The following PRKAR1A variants were observed in gnomAD, a reference collection of about 807,000 sequenced individuals.
The protein encoded by PRKAR1A is cAMP-dependent protein kinase type I-alpha regulatory subunit.
Under a neutral mutation model 52.0 loss-of-function variants are expected in PRKAR1A, and 3 were observed. The ratio of observed to expected loss-of-function variants is 0.06; its 90% CI spans 0.03 to 0.15. The LOEUF (loss-of-function observed/expected upper bound fraction) is 0.15. Among genes scored for constraint, PRKAR1A ranks in the 10% least tolerant of loss-of-function variants. The pLI is 1.00. For synonymous variants in PRKAR1A, 188 were observed against 168.4 expected (o/e 1.12, Z -0.90); for missense variants, 240 against 477.4 (o/e 0.50, Z 4.63).
At chr17:68,478,809 C>A in the PRKAR1A span, among the ~76,000 whole-genome samples, 6 of 151,886 alleles carry the variant, frequency 4.0e-5, no homozygotes, top group East Asian at 7.8e-4. Context: ...CTCACTGCAA[C>A]CTCCGCCTCC....
chr17:68,533,108 G>A lies in PRKAR1A; in HGVS notation c.*2659G>A. The A allele has an allele frequency of 9.4e-7, 1 of 1,064,652 alleles. No homozygotes were observed. 66.0% of individuals were successfully genotyped at this position (1,064,652 alleles called of 1,614,324 possible). A position where few individuals can be genotyped will look rare whatever the true frequency, so the allele number is the denominator to read the frequency against. On this transcript the variant is annotated 3_prime_UTR_variant, in exon 11 of 11. Coordinates refer to ENST00000589228, the MANE Select transcript of PRKAR1A (RefSeq NM_002734.5). ...ATGGGGAAACATCATTTCTAGATTA[G>A]CATACTCTTTGGTTTAAATTTAATA... is the stretch of plus-strand genomic sequence containing the variant.
the PRKAR1A span, chr17:68,433,397 C>T: frequency 3.3e-5 from 44 of 1,327,126 alleles, no homozygotes; most frequent in Non-Finnish European, 4.7e-5. Flanking sequence ...AGAGATCATT[C>T]ATGCCAGTAG....
Position 68,533,370 on chromosome 17 carries a change from C to T in PRKAR1A, c.*2921C>T, listed in dbSNP as rs1200805250. On this transcript the variant is annotated 3_prime_UTR_variant, in exon 11 of 11. Transcript: ENST00000589228. ...GTACCTTTTCTAGATTCAGTAATCC[C>T]TTCCCCCCGTCCTCTGGAGTATGAA... 1 of 1,062,206 alleles carries T rather than the reference C, an allele frequency of 9.4e-7. No individual in the cohort carries two copies. Among genetic ancestry groups the T allele is most frequent in the Non-Finnish European group, 1.1e-6 (1 of 877,350 alleles). 65.8% of individuals were successfully genotyped at this position (1,062,206 alleles called of 1,614,324 possible).
At chr17:68,493,118 T>G in the PRKAR1A span, among the ~76,000 whole-genome samples, 1 of 150,298 alleles carries the variant, frequency 6.7e-6, no homozygotes, top group East Asian at 2.0e-4. Flanking sequence ...ATAACACACA[T>G]TGGGGCCTGT....
intron 1 of PRKAR1A, chr17:68,513,322 C>G (rs1440800298): frequency 2.6e-5 from 4 of 152,246 alleles, no homozygotes; most frequent in African/African-American, 9.6e-5. Flanking sequence ...CCGTCCTACT[C>G]CTTGAGAGAT....
At chr17:68,475,552 C>T in the PRKAR1A span, among the ~76,000 whole-genome samples, 1 of 152,208 alleles carries the variant, frequency 6.6e-6, no homozygotes, top group Non-Finnish European at 1.5e-5. Context: ...CAACCTCCAC[C>T]TTCTGGGTTC....
chr17:68,416,124 TC>T, the PRKAR1A span, among the ~76,000 whole-genome samples: 2 of 152,228 alleles, frequency 1.3e-5, no homozygotes, highest in Non-Finnish European at 2.9e-5. Context: ...GTTTTATAGG[TC>T]CTGTGAGCTT....
At chr17:68,435,740 A>G in the PRKAR1A span, 19 of 1,605,062 alleles carry the variant, frequency 1.2e-5, no homozygotes, top group South Asian at 2.1e-4. Context: ...AAATGGATAC[A>G]GATGCTGCGG....
At chr17:68,451,280 A>T in the PRKAR1A span, among the ~76,000 whole-genome samples, 112,117 of 152,094 alleles carry the variant, frequency 0.74, 41,565 homozygotes, top group Middle Eastern at 0.78. Context: ...AAAATATTTT[A>T]AAAATTAGCC....
chr17:68,439,495 T>A, the PRKAR1A span, among the ~76,000 whole-genome samples: 2 of 152,076 alleles, frequency 1.3e-5, no homozygotes, highest in African/African-American at 4.8e-5. Flanking sequence ...TAGGGAGTGA[T>A]GGCTTAGAGG....
At chr17:68,421,577 C>T in the PRKAR1A span, 1 of 657,228 alleles carries the variant, frequency 1.5e-6, no homozygotes, top group Non-Finnish European at 2.7e-6. Flanking sequence ...TACAATGTCT[C>T]CCGCGCCCAT....
At chr17:68,472,940 G>A in the PRKAR1A span, among the ~76,000 whole-genome samples, 2 of 151,356 alleles carry the variant, frequency 1.3e-5, no homozygotes, top group African/African-American at 4.9e-5. Context: ...GTGATACTCT[G>A]TCTCAAAAAA....
chr17:68,518,418 C>T (rs1327208947), intron 2 of PRKAR1A, among the ~76,000 whole-genome samples: 3 of 152,230 alleles, frequency 2.0e-5, no homozygotes, highest in Admixed American at 2.0e-4. Flanking sequence ...GGGGGAGGTT[C>T]CCAAACCTCA....
chr17:68,481,291 T>C, the PRKAR1A span, among the ~76,000 whole-genome samples: 1 of 152,228 alleles, frequency 6.6e-6, no homozygotes, highest in Non-Finnish European at 1.5e-5. Flanking sequence ...TTGGGATGAT[T>C]CAAGCTCATT....
downstream of PRKAR1A, among the ~76,000 whole-genome samples, chr17:68,534,244 G>A (rs760515115): frequency 6.6e-6 from 1 of 152,132 alleles, no homozygotes; most frequent in Non-Finnish European, 1.5e-5. Context: ...TTTTGTGAAA[G>A]TTCTGCCAAT....
the PRKAR1A span, chr17:68,427,407 A>G: frequency 1.8e-6 from 1 of 553,878 alleles, no homozygotes; most frequent in Non-Finnish European, 3.1e-6. Context: ...CCCAGGCTGG[A>G]GTGCAGTGGC....
the PRKAR1A span, chr17:68,425,857 C>A: frequency 3.3e-3 from 1,706 of 521,146 alleles, 10 homozygotes; most frequent in South Asian, 0.01. Context: ...TTCGGTGACT[C>A]TAATGCCATC....
the PRKAR1A span, among the ~76,000 whole-genome samples, chr17:68,486,606 C>T: frequency 8.2e-5 from 12 of 146,728 alleles, no homozygotes; most frequent in Non-Finnish European, 1.6e-4. Flanking sequence ...TGCTTTCCTT[C>T]TTTTCTCTCC....
the PRKAR1A span, chr17:68,426,247 A>AGG: frequency 1.0e-4 from 70 of 668,462 alleles, 3 homozygotes; most frequent in African/African-American, 7.1e-4. Context: ...GCGGGTGGGG[A>AGG]GCGGGGGCTC....
Sources: gnomAD v4.1 joint callset for allele counts (sites outside exome capture counted in the v4.1 genomes callset) on GRCh38, gnomAD v4.1.1 for gene constraint, MANE v1.5 for transcripts, NCBI Gene and HGNC (gene_info 2026-07-23, HGNC 2026-07-21) for gene names.